NREP: variants seen among roughly 807,000 people sequenced by gnomAD.
NREP encodes the protein neuronal regeneration related protein, also known as neuronal regeneration-related protein.
Under a neutral mutation model 8.6 loss-of-function variants are expected in NREP, and 5 were observed. That is an observed-to-expected ratio of 0.58 (90% CI 0.30 to 1.22). The LOEUF (loss-of-function observed/expected upper bound fraction) is 1.22. NREP is among the 50% of genes most tolerant of loss of function. The pLI is 0.07. For missense variants in NREP, 86 were observed against 82.5 expected, an observed-to-expected ratio of 1.04 and a Z score of -0.17; for synonymous variants, 27 against 28.0, an observed-to-expected ratio of 0.96 and a Z score of 0.11.
intron 2 of NREP, among the ~76,000 whole-genome samples, chr5:111,897,482 A>G (rs538830762): frequency 1.4e-4 from 21 of 152,214 alleles, no homozygotes; most frequent in Non-Finnish European, 2.9e-4. Context: ...TATATAATAT[A>G]CTTTTCCCAC....
chr5:111,954,362 G>C (rs547370980), intron 2 of NREP, among the ~76,000 whole-genome samples: 7 of 152,258 alleles, frequency 4.6e-5, no homozygotes, highest in Non-Finnish European at 8.8e-5. Context: ...TATGTTAATA[G>C]GAAAAGGAAA....
intron 2 of NREP, among the ~76,000 whole-genome samples, chr5:111,768,786 C>T (rs1751146275): frequency 6.6e-6 from 1 of 152,100 alleles, no homozygotes; most frequent in Non-Finnish European, 1.5e-5. Flanking sequence ...AGGTTGAGTC[C>T]ACGTCTTTCT....
chr5:111,844,469 C>CTAA (rs1753108764), intron 2 of NREP, among the ~76,000 whole-genome samples: 1 of 151,232 alleles, frequency 6.6e-6, no homozygotes, highest in Non-Finnish European at 1.5e-5. Flanking sequence ...TTTTGCTCAT[C>CTAA]ATTGCTTCTT....
At chr5:111,801,969 A>T (rs1250784117) in intron 2 of NREP, among the ~76,000 whole-genome samples, 1 of 152,192 alleles carries the variant, frequency 6.6e-6, no homozygotes, top group Non-Finnish European at 1.5e-5. Flanking sequence ...TGACATAGGC[A>T]GCTCTGATCC....
At chr5:111,764,873 G>A (rs1226390741) in intron 2 of NREP, among the ~76,000 whole-genome samples, 1 of 152,122 alleles carries the variant, frequency 6.6e-6, no homozygotes, top group East Asian at 1.9e-4. Context: ...GCATTTAACA[G>A]TAATTTCATA....
chr5:111,889,812 G>A (rs1467275192), intron 2 of NREP, among the ~76,000 whole-genome samples: 1 of 152,132 alleles, frequency 6.6e-6, no homozygotes, highest in Non-Finnish European at 1.5e-5. Context: ...GATGGGGTGG[G>A]GCAGTTTCAT....
At chr5:111,873,649 C>G (rs1008955949) in intron 2 of NREP, among the ~76,000 whole-genome samples, 2 of 152,160 alleles carry the variant, frequency 1.3e-5, no homozygotes, top group Non-Finnish European at 2.9e-5. Context: ...CTCTTCTGAC[C>G]TCCTGTTCCA....
At chr5:111,879,576 A>G (rs1177763204) in intron 2 of NREP, among the ~76,000 whole-genome samples, 2 of 152,150 alleles carry the variant, frequency 1.3e-5, no homozygotes, top group African/African-American at 4.8e-5. Flanking sequence ...TATTCCCACC[A>G]TATACTCAGT....
chr5:111,910,034 A>G (rs1228482705), intron 2 of NREP, among the ~76,000 whole-genome samples: 2 of 152,132 alleles, frequency 1.3e-5, no homozygotes, highest in Non-Finnish European at 2.9e-5. Flanking sequence ...CAGCCACGAT[A>G]TAATTTACTG....
chr5:111,888,804 A>G (rs921248174), intron 2 of NREP, among the ~76,000 whole-genome samples: 1 of 152,204 alleles, frequency 6.6e-6, no homozygotes, highest in African/African-American at 2.4e-5. Flanking sequence ...TGTATTTCAA[A>G]TGCTGGATTA....
chr5:111,791,896 G>A (rs185038551), intron 2 of NREP, among the ~76,000 whole-genome samples: 1 of 152,304 alleles, frequency 6.6e-6, no homozygotes, highest in Non-Finnish European at 1.5e-5. Flanking sequence ...GAGTTTGCCA[G>A]GTCTGGGACT....
chr5:111,943,451 C>A (rs940836773), intron 2 of NREP, among the ~76,000 whole-genome samples: 1 of 151,954 alleles, frequency 6.6e-6, no homozygotes, highest in Admixed American at 6.6e-5. Context: ...AATTACAAAC[C>A]AAATGATTAC....
chr5:111,887,763 T>C (rs956629551), intron 2 of NREP, among the ~76,000 whole-genome samples: 1 of 152,208 alleles, frequency 6.6e-6, no homozygotes, highest in Non-Finnish European at 1.5e-5. Context: ...CCATGGGCAT[T>C]GCTGTTGAGA....
chr5:111,758,095 G>C, upstream of NREP: 30 of 985,548 alleles, frequency 3.0e-5, no homozygotes, highest in Non-Finnish European at 3.5e-5. Flanking sequence ...GGATGCATTT[G>C]CACACGGCCT....
At chr5:111,926,343 T>A (rs1472083060) in intron 2 of NREP, among the ~76,000 whole-genome samples, 1 of 152,060 alleles carries the variant, frequency 6.6e-6, no homozygotes, top group African/African-American at 2.4e-5. Flanking sequence ...CAGAAATTTG[T>A]TTTCTTAGCT....
rs958739224 is a variant in NREP, at chr5:111,975,418, C to T, written c.31-40G>A. 9.3e-6 allele frequency: 13 copies of T among 1,405,336 alleles called. No homozygotes were observed. In the African/African-American group the frequency reaches 1.3e-4, roughly 14 times the overall value. The allele number at this position is 1,405,336 out of a possible 1,614,324, so 87.1% of individuals were successfully genotyped here. A position where few individuals can be genotyped will look rare whatever the true frequency, so the allele number is the denominator to read the frequency against. On this transcript the variant is annotated intron_variant, in intron 1 of 3. Transcript: ENST00000395634. ...CATGGTAGAAAACGTGAGCACTGAC[C>T]CCCCTGAGTGCCACAACTCACAGCT...
intron 2 of NREP, among the ~76,000 whole-genome samples, chr5:111,839,757 T>G (rs558759962): frequency 2.0e-5 from 3 of 152,260 alleles, no homozygotes; most frequent in African/African-American, 7.2e-5. Flanking sequence ...AATATTTATG[T>G]ACCTATAATG....
At chr5:111,879,695 A>G (rs1276743962) in intron 2 of NREP, among the ~76,000 whole-genome samples, 1 of 152,114 alleles carries the variant, frequency 6.6e-6, no homozygotes, top group African/African-American at 2.4e-5. Context: ...ACAAAAATTT[A>G]TTTTCTCACA....
chr5:111,792,815 T>A (rs1427615490), intron 2 of NREP, among the ~76,000 whole-genome samples: 1 of 152,240 alleles, frequency 6.6e-6, no homozygotes, highest in Non-Finnish European at 1.5e-5. Context: ...GATTCAACCA[T>A]GACTTAGCTT....
Sources: allele counts gnomAD v4.1 joint callset (sites outside exome capture counted in the v4.1 genomes callset), GRCh38; gene constraint gnomAD v4.1.1; transcripts MANE v1.5; gene names NCBI Gene and HGNC (gene_info 2026-07-23, HGNC 2026-07-21).